The following SLC6A15 variants were observed in gnomAD, a reference collection of about 807,000 sequenced individuals.
SLC6A15 encodes the protein sodium-dependent neutral amino acid transporter B(0)AT2.
SLC6A15 carries 33 observed loss-of-function variants against 68.5 expected under a neutral mutation model. The observed-to-expected ratio is 0.48, with a 90% CI of 0.37 to 0.64. The LOEUF (loss-of-function observed/expected upper bound fraction) is 0.64, where lower values mean the gene tolerates loss of function less well. SLC6A15 is among the 30% of genes least tolerant of loss of function. SLC6A15 has a pLI of 0.00. For missense variants in SLC6A15, 747 were observed against 874.3 expected, an observed-to-expected ratio of 0.85 and a Z score of 1.84; for synonymous variants, 347 against 301.0, an observed-to-expected ratio of 1.15 and a Z score of -1.58.
intron 1 of SLC6A15, among the ~76,000 whole-genome samples, chr12:84,912,263 C>T (rs1415355194): frequency 2.0e-5 from 3 of 152,160 alleles, no homozygotes; most frequent in African/African-American, 4.8e-5. Flanking sequence ...AACCCATGTG[C>T]TTCCCCTTAC....
At chr12:84,893,527 A>T (rs1436449759) in intron 1 of SLC6A15, among the ~76,000 whole-genome samples, 1 of 152,190 alleles carries the variant, frequency 6.6e-6, no homozygotes, top group Non-Finnish European at 1.5e-5. Context: ...CTATGTTAAA[A>T]TGTGACTGAA....
At position 84,861,723 on chromosome 12, in the gene SLC6A15, G is replaced by T. The variant is rs746654150; in HGVS notation, c.2102C>A (p.Ser701Tyr). ...ATTGGGAGCAGTATCCAGAGTTGGG[G>T]ATCCACTCTGTTTTCGATAAATATT... ...GKNIYRKQSG[S>Y]PTLDTAPNGR... is the part of the protein sequence containing the mutation. The change falls in exon 12 of 12, where the codon TCC becomes TAC. Residue 701 changes from serine (S) to tyrosine (Y), a missense_variant. By Grantham distance (144) the Ser-to-Tyr change is moderately radical (BLOSUM62 -2). Coordinates refer to ENST00000266682, the MANE Select transcript of SLC6A15 (RefSeq NM_182767.6). 6.2e-7 allele frequency: 1 copy of T among 1,613,882 alleles called. No homozygotes were observed. The highest frequency in any genetic ancestry group is 8.5e-7 in the Non-Finnish European group (1 of 1,179,894).
chr12:84,888,215 G>T (rs577705840), intron 2 of SLC6A15, among the ~76,000 whole-genome samples: 33 of 142,922 alleles, frequency 2.3e-4, no homozygotes, highest in Non-Finnish European at 4.4e-4. Context: ...AGTGAGCTGA[G>T]ATCGCACCAC....
At chr12:84,909,385 C>T (rs1357491318) in intron 1 of SLC6A15, among the ~76,000 whole-genome samples, 2 of 152,084 alleles carry the variant, frequency 1.3e-5, no homozygotes, top group Non-Finnish European at 2.9e-5. Flanking sequence ...TTTGAAATTG[C>T]CCTATATCCC....
chr12:84,910,927 C>CTCTCTCTCTCTCTCTCTCTCTCTCTCT (rs1565736492), intron 1 of SLC6A15, among the ~76,000 whole-genome samples: 19 of 128,988 alleles, frequency 1.5e-4, no homozygotes, highest in African/African-American at 5.9e-4. Context: ...CGCCCTCTTT[C>CTCTCTCTCTCTCTCTCTCTCTCTCTCT]CGTGTGTGTG....
chr12:84,872,847 G>C (rs1871349753), intron 7 of SLC6A15, 53 bp from the exon 8 acceptor site: 2 of 1,401,784 alleles, frequency 1.4e-6, no homozygotes, highest in Non-Finnish European at 1.9e-6. Flanking sequence ...TTGGTGTATA[G>C]TTTGTGAACG....
At chr12:84,889,137 A>T (rs1872261572) in intron 2 of SLC6A15, among the ~76,000 whole-genome samples, 1 of 152,170 alleles carries the variant, frequency 6.6e-6, no homozygotes, top group Admixed American at 6.5e-5. Context: ...TTCTCACTAG[A>T]TCTACCCTTT....
At chr12:84,900,767 C>A (rs1430825106) in intron 1 of SLC6A15, among the ~76,000 whole-genome samples, 2 of 151,310 alleles carry the variant, frequency 1.3e-5, no homozygotes, top group Non-Finnish European at 3.0e-5. Context: ...TTAAAACAAT[C>A]TTTCATTTAT....
At chr12:84,901,548 T>C (rs1379047695) in intron 1 of SLC6A15, among the ~76,000 whole-genome samples, 1 of 151,890 alleles carries the variant, frequency 6.6e-6, no homozygotes, top group African/African-American at 2.4e-5. Context: ...CAATACTTTC[T>C]GCCATTCTTG....
chr12:84,910,915 G>T (rs1873404852), intron 1 of SLC6A15, among the ~76,000 whole-genome samples: 1 of 142,124 alleles, frequency 7.0e-6, no homozygotes, highest in Non-Finnish European at 1.5e-5. Flanking sequence ...TTGCTGTTGA[G>T]CCGCCCTCTT....
At chr12:84,886,368 T>C (rs767966983) in intron 2 of SLC6A15, among the ~76,000 whole-genome samples, 2 of 152,120 alleles carry the variant, frequency 1.3e-5, no homozygotes, top group Non-Finnish European at 2.9e-5. Context: ...TAATTGATTA[T>C]TTAAAATTCA....
chr12:84,900,522 T>C (rs1166752294), intron 1 of SLC6A15, among the ~76,000 whole-genome samples: 4 of 151,920 alleles, frequency 2.6e-5, no homozygotes, highest in Non-Finnish European at 4.4e-5. Flanking sequence ...AACATCTTCA[T>C]TTATGTCTCG....
intron 1 of SLC6A15, among the ~76,000 whole-genome samples, chr12:84,902,417 A>T (rs1489086265): frequency 6.6e-6 from 1 of 152,042 alleles, no homozygotes; most frequent in Non-Finnish European, 1.5e-5. Context: ...GGAAATGTAA[A>T]ATGGTACAGC....
At chr12:84,886,169 G>T in intron 2 of SLC6A15, 101 bp from the exon 3 acceptor site, 2 of 748,466 alleles carry the variant, frequency 2.7e-6, no homozygotes, top group Non-Finnish European at 4.1e-6. Flanking sequence ...TTACTATATA[G>T]TGCAATTATG....
intron 9 of SLC6A15, among the ~76,000 whole-genome samples, chr12:84,869,071 T>G (rs917464734): frequency 2.0e-5 from 3 of 152,164 alleles, no homozygotes; most frequent in Non-Finnish European, 4.4e-5. Flanking sequence ...CACATGCACA[T>G]GCACAAACAC....
At chr12:84,881,519 A>G in intron 5 of SLC6A15, 1 of 985,386 alleles carries the variant, frequency 1.0e-6, no homozygotes, top group Non-Finnish European at 1.2e-6. Context: ...GGTCCAACTG[A>G]TATGTGCCTA....
chr12:84,862,071 T>C (rs1030526092), intron 11 of SLC6A15, 65 bp from the exon 12 acceptor site: 13 of 1,455,880 alleles, frequency 8.9e-6, no homozygotes, highest in South Asian at 1.4e-5. Context: ...TAAAATATTG[T>C]ACTTGCTTCA....
chr12:84,908,593 T>G (rs1012036736), intron 1 of SLC6A15, among the ~76,000 whole-genome samples: 1 of 118,818 alleles, frequency 8.4e-6, no homozygotes, highest in African/African-American at 4.1e-5. Context: ...GGGCAAAGAG[T>G]AAAGAAACAT....
chr12:84,883,479 A>G, intron 5 of SLC6A15: 1 of 1,203,646 alleles, frequency 8.3e-7, no homozygotes, highest in Non-Finnish European at 1.0e-6. Context: ...TCAAACAAAC[A>G]AAATGAATGA....
Sources: allele counts gnomAD v4.1 joint callset (sites outside exome capture counted in the v4.1 genomes callset), GRCh38; gene constraint gnomAD v4.1.1; transcripts MANE v1.5; gene names NCBI Gene and HGNC (gene_info 2026-07-23, HGNC 2026-07-21).